Variants in BBS12 observed in about 807,000 individuals in gnomAD.
BBS12 encodes Bardet-Biedl syndrome 12, also known as chaperonin-containing T-complex member BBS12.
In BBS12, 5 loss-of-function variants were observed where a neutral mutation model predicts 5.6. The observed-to-expected ratio is 0.89, with a 90% CI of 0.46 to 1.86. BBS12 has a LOEUF of 1.86. Ranked by LOEUF, BBS12 falls within the 40% of genes most tolerant of loss-of-function variation. The pLI is 0.01. For missense variants in BBS12, 748 were observed against 830.4 expected, an observed-to-expected ratio of 0.90 and a Z score of 1.22; for synonymous variants, 308 against 306.8, an observed-to-expected ratio of 1.00 and a Z score of -0.04.
At chr4:122,707,651 G>A in the BBS12 span, among the ~76,000 whole-genome samples, 1 of 152,134 alleles carries the variant, frequency 6.6e-6, no homozygotes, top group Non-Finnish European at 1.5e-5. Flanking sequence ...CTCACTCTGG[G>A]CCAATGGAAG....
At chr4:122,706,404 TG>T in the BBS12 span, among the ~76,000 whole-genome samples, 1 of 152,236 alleles carries the variant, frequency 6.6e-6, no homozygotes, top group Non-Finnish European at 1.5e-5. Flanking sequence ...GTCTCTCATT[TG>T]GCTGGTGATC....
the BBS12 span, among the ~76,000 whole-genome samples, chr4:122,702,601 A>G: frequency 6.6e-6 from 1 of 152,240 alleles, no homozygotes. Flanking sequence ...AATGCCATCA[A>G]CTGGGCCTGC....
the BBS12 span, among the ~76,000 whole-genome samples, chr4:122,701,135 G>A: frequency 6.6e-6 from 1 of 152,052 alleles, no homozygotes; most frequent in East Asian, 1.9e-4. Context: ...TAACTAAAAG[G>A]ATATTCTTGA....
the BBS12 span, among the ~76,000 whole-genome samples, chr4:122,711,238 G>A: frequency 4.6e-5 from 7 of 152,114 alleles, no homozygotes; most frequent in African/African-American, 1.4e-4. Flanking sequence ...AAATGAGAAA[G>A]TGCTGTAGAA....
the BBS12 span, among the ~76,000 whole-genome samples, chr4:122,718,712 GTGAAATGAAATGAAA>G: frequency 0.021 from 3,052 of 146,314 alleles, 72 homozygotes; most frequent in African/African-American, 0.065. Context: ...GGGATTCGAT[GTGAAATGAAATGAAA>G]TGAAATGAAA....
chr4:122,738,274 A>G (rs1286109684), intron 1 of BBS12, among the ~76,000 whole-genome samples: 1 of 151,976 alleles, frequency 6.6e-6, no homozygotes, highest in Non-Finnish European at 1.5e-5. Context: ...TGGAGTGTGC[A>G]ATCTCGGCTC....
the BBS12 span, among the ~76,000 whole-genome samples, chr4:122,710,111 T>G: frequency 2.0e-5 from 3 of 152,190 alleles, no homozygotes; most frequent in African/African-American, 7.2e-5. Context: ...ACCTTAAACC[T>G]AAATCTTTTC....
intron 1 of BBS12, among the ~76,000 whole-genome samples, chr4:122,740,969 G>A (rs571539371): frequency 6.6e-6 from 1 of 152,210 alleles, no homozygotes; most frequent in South Asian, 2.1e-4. Context: ...TAAAGCGGTA[G>A]GATTAAGTTC....
At position 122,740,667 on chromosome 4, in the gene BBS12, G is replaced by C. The variant is rs192512054; in HGVS notation, c.-10-1216G>C. ...CACTAAATGCATGAATGAATGAAAC[G>C]AAGGAATGACTAGGAATGTTTGTAG... On this transcript the variant is annotated intron_variant, in intron 1 of 1. Transcript: ENST00000314218. Among the ~76,000 whole-genome samples, 19 of 152,318 alleles carry C rather than the reference G, an allele frequency of 1.2e-4. No homozygotes were observed. The East Asian group carries it at 2.3e-3, about 19-fold the overall frequency.
At position 122,742,121 on chromosome 4, in the gene BBS12, C is replaced by T. The variant is rs758963348; in HGVS notation, c.229C>T (p.Gln77Ter). The T allele has an allele frequency of 1.2e-6, 2 of 1,613,980 alleles. No homozygotes were observed. Among genetic ancestry groups the T allele is most frequent in the South Asian group, 2.2e-5 (2 of 91,086 alleles). ...GQLLNEAVQAQNNTYRTGIST... is the reference protein window; with the variant it reads ...GQLLNEAVQA ...ACTTCTCAATGAAGCAGTTCAAGCA[C>T]AAAACAACACATATAGAACTGGAAT... is the stretch of plus-strand genomic sequence containing the variant. Residue 77 changes from glutamine (Q) to a stop codon, truncating the protein, a stop_gained, in exon 2 of 2, where the codon CAA becomes TAA. Coordinates refer to ENST00000314218, the MANE Select transcript of BBS12 (RefSeq NM_152618.3). LOFTEE classifies it low-confidence loss of function (END_TRUNC).
At chr4:122,732,602 A>G (rs911120603), upstream of BBS12, 1 of 152,304 alleles carries the variant, frequency 6.6e-6, no homozygotes, top group African/African-American at 2.4e-5. Context: ...GACAGAAAAA[A>G]AGGCCTTTAA....
chr4:122,709,695 C>T, the BBS12 span, among the ~76,000 whole-genome samples: 1 of 151,988 alleles, frequency 6.6e-6, no homozygotes, highest in African/African-American at 2.4e-5. Context: ...TGCTCTGTTG[C>T]CTAGGCTGGG....
Position 122,742,851 on chromosome 4 carries a change from T to C in BBS12, c.959T>C (p.Leu320Pro). 1 of 1,614,212 alleles carries C rather than the reference T, an allele frequency of 6.2e-7. No homozygotes were observed. Among genetic ancestry groups the C allele is most frequent in the Non-Finnish European group, 8.5e-7 (1 of 1,180,034 alleles). Residue 320 changes from leucine (L) to proline (P), a missense_variant, in exon 2 of 2, where the codon CTA becomes CCA. Coordinates refer to ENST00000314218, the MANE Select transcript of BBS12 (RefSeq NM_152618.3). ...ATTTCAAGAATTTTCACTTGCTGTC[T>C]ACCAGGCTTACCTGAAACTTCTTCT... ...FDISRIFTCCLPGLPETSSCV... is the reference protein window; with the variant it reads ...FDISRIFTCCPPGLPETSSCV...
At chr4:122,715,976 G>T in the BBS12 span, among the ~76,000 whole-genome samples, 3 of 152,150 alleles carry the variant, frequency 2.0e-5, no homozygotes, top group African/African-American at 7.2e-5. Context: ...AAATAAACGG[G>T]TATAATTGGG....
the BBS12 span, among the ~76,000 whole-genome samples, chr4:122,716,562 T>C: frequency 6.7e-6 from 1 of 149,318 alleles, no homozygotes; most frequent in African/African-American, 2.5e-5. Flanking sequence ...TACACATATG[T>C]ATATATAAAC....
chr4:122,730,039 A>C (rs1390338019), upstream of BBS12: 3 of 152,256 alleles, frequency 2.0e-5, no homozygotes, highest in Non-Finnish European at 4.4e-5. Flanking sequence ...AGTCAAACTT[A>C]CAGGGAAATA....
chr4:122,726,670 CCAA>C, the BBS12 span, among the ~76,000 whole-genome samples: 1 of 52,652 alleles, frequency 1.9e-5, no homozygotes, highest in Non-Finnish European at 3.2e-5. Context: ...CAGCACAATT[CCAA>C]TTCGCCATTG....
At chr4:122,716,046 C>G in the BBS12 span, among the ~76,000 whole-genome samples, 66,202 of 151,934 alleles carry the variant, frequency 0.44, 16,044 homozygotes, top group East Asian at 0.65. Context: ...ATATGTGGCT[C>G]TACATTAGAA....
chr4:122,719,232 A>G, the BBS12 span, among the ~76,000 whole-genome samples: 4 of 152,158 alleles, frequency 2.6e-5, no homozygotes, highest in African/African-American at 9.7e-5. Context: ...CGCACCAATC[A>G]GTGCTCTGTG....
Sources: allele counts gnomAD v4.1 joint callset (sites outside exome capture counted in the v4.1 genomes callset), GRCh38; gene constraint gnomAD v4.1.1; transcripts MANE v1.5; gene names NCBI Gene and HGNC (gene_info 2026-07-23, HGNC 2026-07-21).